Variants in C2orf74 observed in about 807,000 individuals in gnomAD.
The protein encoded by C2orf74 is uncharacterized protein C2orf74.
A neutral mutation model predicts 17.9 loss-of-function variants in C2orf74; 14 were observed. The observed-to-expected ratio is 0.78, with a 90% confidence interval of 0.52 to 1.22. C2orf74 has a LOEUF of 1.22. C2orf74 is among the 50% of genes most tolerant of loss of function. C2orf74 has a pLI of 0.00. For synonymous variants in C2orf74, 79 were observed against 72.6 expected, an observed-to-expected ratio of 1.09 and a Z score of -0.44; for missense variants, 217 against 218.4, an observed-to-expected ratio of 0.99 and a Z score of 0.04.
chr2:61,159,747 G>A (rs1046189935), upstream of C2orf74, among the ~76,000 whole-genome samples: 2 of 152,212 alleles, frequency 1.3e-5, no homozygotes, highest in Non-Finnish European at 2.9e-5. Context: ...AATGCCTGCT[G>A]TATACCTGGC....
At chr2:61,146,770 C>T (rs529833430) in intron 1 of C2orf74, among the ~76,000 whole-genome samples, 1 of 151,846 alleles carries the variant, frequency 6.6e-6, no homozygotes, top group Admixed American at 6.6e-5. Flanking sequence ...ACCAGGGAGT[C>T]GGAGGTTGCA....
Position 61,149,352 on chromosome 2 carries a change from G to T in C2orf74, c.-122+4156G>T, listed in dbSNP as rs1199496888. Among the ~76,000 whole-genome samples the T allele has an allele frequency of 2.0e-5, 3 of 152,168 alleles. No individual in the cohort carries two copies. In the South Asian group the frequency reaches 6.2e-4, roughly 32 times the overall value. ...TTGTAGTCCTGGATGCTGTAATAAG[G>T]CCTCCTGCAGACCTTCGTTCTATTC... On this transcript the variant is annotated intron_variant, in intron 1 of 3. Coordinates refer to the C2orf74 transcript ENST00000426997.
chr2:61,156,746 A>G (rs1009996723), intron 1 of C2orf74, among the ~76,000 whole-genome samples: 15 of 151,980 alleles, frequency 9.9e-5, no homozygotes, highest in African/African-American at 3.6e-4. Context: ...GTTAGTGGGC[A>G]TGGTGGCGTG....
At position 61,155,925 on chromosome 2, in the gene C2orf74, G is replaced by A. The variant is rs892605694; in HGVS notation, c.-121-6917G>A. On this transcript the variant is annotated intron_variant, in intron 1 of 3. Transcript: ENST00000426997. ...TCAAGAATTAGAAATAAGGCTGGGC[G>A]TGGTGGTTCATGCCTGTAATCCCAG... Among the ~76,000 whole-genome samples, 8 of 152,206 alleles carry A rather than the reference G, an allele frequency of 5.3e-5. No individual in the cohort carries two copies. In the East Asian group the frequency reaches 9.7e-4, roughly 18 times the overall value.
intron 4 of C2orf74, among the ~76,000 whole-genome samples, chr2:61,164,027 G>A (rs1277428531): frequency 6.6e-6 from 1 of 152,062 alleles, no homozygotes; most frequent in Non-Finnish European, 1.5e-5. Flanking sequence ...CTGTGTCTGC[G>A]ATTCCCTGAC....
intron 1 of C2orf74, among the ~76,000 whole-genome samples, chr2:61,146,694 C>T (rs554923402): frequency 1.3e-5 from 2 of 152,058 alleles, no homozygotes; most frequent in Admixed American, 6.6e-5. Context: ...ATTAGACTGG[C>T]GTGGTGGCGC....
chr2:61,160,311 C>T (rs1573720488), upstream of C2orf74, among the ~76,000 whole-genome samples: 1 of 152,088 alleles, frequency 6.6e-6, no homozygotes, highest in African/African-American at 2.4e-5. Flanking sequence ...CGGGCACCTG[C>T]CCCCACGCCT....
chr2:61,157,168 G>C (rs1004570907), intron 1 of C2orf74, among the ~76,000 whole-genome samples: 1 of 152,124 alleles, frequency 6.6e-6, no homozygotes, highest in Non-Finnish European at 1.5e-5. Context: ...AGCCTCCCGA[G>C]TAGCTAGGTT....
chr2:61,153,504 A>C (rs376992604), intron 1 of C2orf74, among the ~76,000 whole-genome samples: 15 of 151,496 alleles, frequency 9.9e-5, no homozygotes, highest in Admixed American at 2.0e-4. Flanking sequence ...GGGTGGTCTC[A>C]ATCTCCTGAC....
intron 1 of C2orf74, among the ~76,000 whole-genome samples, chr2:61,156,085 G>A (rs1350053903): frequency 6.6e-5 from 10 of 151,980 alleles, no homozygotes. Flanking sequence ...TGTAGTTCCA[G>A]CTACTCAGGA....
chr2:61,164,291 T>C, intron 4 of C2orf74, 63 bp from the exon 5 acceptor site: 1 of 1,371,798 alleles, frequency 7.3e-7, no homozygotes, highest in Non-Finnish European at 9.6e-7. Context: ...ACCTGTAATT[T>C]TAAAAGCAGG....
chr2:61,162,589 G>C lies in C2orf74; in HGVS notation c.75G>C (p.Leu25Phe). 6.5e-7 allele frequency: 1 copy of C among 1,547,842 alleles called. No homozygotes were observed. The highest frequency in any genetic ancestry group is 8.7e-7 in the Non-Finnish European group (1 of 1,143,914). The change falls in exon 2 of 5, where the codon TTG becomes TTC. Residue 25 changes from leucine (L) to phenylalanine (F), a missense_variant. Coordinates refer to ENST00000432605, the MANE Select transcript of C2orf74 (RefSeq NM_001143959.4). ...GCCTCATTTGCATCCTCCTCTTATTGGTGGTTTTTTTATATAAATGGTATA... is the reference window on the plus strand; with the variant it reads ...GCCTCATTTGCATCCTCCTCTTATTCGTGGTTTTTTTATATAAATGGTATA... ...LICLICILLL[L>F]VVFLYKCFQG...
chr2:61,157,606 G>A (rs1184074254), upstream of C2orf74, among the ~76,000 whole-genome samples: 1 of 152,158 alleles, frequency 6.6e-6, no homozygotes, highest in Non-Finnish European at 1.5e-5. Flanking sequence ...ATCAAGCAGA[G>A]CCCTTTTTAA....
At position 61,164,513 on chromosome 2, in the gene C2orf74, A is replaced by G. The variant is rs200357077; in HGVS notation, c.550A>G (p.Lys184Glu). The change falls in exon 5 of 5, where the codon AAA (lysine) becomes GAA (glutamate). Residue 184 changes from lysine (K) to glutamate (E), a missense_variant. Physicochemically the swap from Lys to Glu is moderately conservative, Grantham distance 56 (BLOSUM62 1). Coordinates refer to ENST00000432605, the MANE Select transcript of C2orf74 (RefSeq NM_001143959.4). ...ACCTCGAAGCTATACTCGAGAACAT[A>G]AAGAGAGGAAATGAAGCTCAAAAAA... ...PTPRSYTREH[K>E]ERK is the part of the protein sequence containing the mutation. The G allele has an allele frequency of 1.3e-5, 20 of 1,524,964 alleles. No homozygotes were observed. In the East Asian group the frequency reaches 3.5e-4, roughly 26 times the overall value. The allele number at this position is 1,524,964 out of a possible 1,614,324, so 94.5% of individuals were successfully genotyped here.
At chr2:61,156,545 A>G (rs1189855091) in intron 1 of C2orf74, among the ~76,000 whole-genome samples, 6 of 152,198 alleles carry the variant, frequency 3.9e-5, no homozygotes, top group Non-Finnish European at 2.9e-5. Context: ...ATGTACAAAT[A>G]TGTCCATCAA....
intron 1 of C2orf74, among the ~76,000 whole-genome samples, chr2:61,147,069 T>A (rs967738678): frequency 3.3e-5 from 5 of 151,180 alleles, no homozygotes; most frequent in Non-Finnish European, 7.4e-5. Flanking sequence ...CCCGGGAGGC[T>A]GAGGTGGGGG....
upstream of C2orf74, among the ~76,000 whole-genome samples, chr2:61,160,590 C>T (rs1685536517): frequency 1.3e-5 from 2 of 151,820 alleles, no homozygotes; most frequent in South Asian, 4.2e-4. Flanking sequence ...CTCACTGTAA[C>T]CTCTGCCTCC....
Position 61,162,234 on chromosome 2 carries a change from T to G in C2orf74, c.-186T>G. 1 of 428,048 alleles carries G rather than the reference T, an allele frequency of 2.3e-6. No homozygotes were observed. The highest frequency in any genetic ancestry group is 4.0e-5 in the East Asian group (1 of 25,010). 26.5% of individuals were successfully genotyped at this position (428,048 alleles called of 1,614,324 possible). On this transcript the variant is annotated 5_prime_UTR_variant, in exon 1 of 5. Coordinates refer to ENST00000432605, the MANE Select transcript of C2orf74 (RefSeq NM_001143959.4). ...CTGATAGTTTTTGGGGTGAGGGAGGTGAGCTGCGTGATCACACATGTCCCA... is the reference window on the plus strand; with the variant it reads ...CTGATAGTTTTTGGGGTGAGGGAGGGGAGCTGCGTGATCACACATGTCCCA...
At chr2:61,159,025 TCTCA>T (rs1348639140), upstream of C2orf74, among the ~76,000 whole-genome samples, 1 of 151,978 alleles carries the variant, frequency 6.6e-6, no homozygotes, top group African/African-American at 2.4e-5. Flanking sequence ...TGAGACGGGG[TCTCA>T]CTCTGTCGCC....
Sources: gnomAD v4.1 joint callset for allele counts (sites outside exome capture counted in the v4.1 genomes callset) on GRCh38, gnomAD v4.1.1 for gene constraint, MANE v1.5 for transcripts, NCBI Gene and HGNC (gene_info 2026-07-23, HGNC 2026-07-21) for gene names.